Variants in LRRCC1 observed in about 807,000 individuals in gnomAD.
LRRCC1 encodes leucine rich repeat and coiled-coil centrosomal protein 1.
A neutral mutation model predicts 126.0 loss-of-function variants in LRRCC1; 115 were observed. The ratio of observed to expected loss-of-function variants is 0.91; its 90% CI spans 0.78 to 1.07. LRRCC1 has a LOEUF of 1.07. Among genes scored for constraint, LRRCC1 ranks in the 50% least tolerant of loss-of-function variants. The pLI is 0.00. For synonymous variants in LRRCC1, 400 were observed against 393.4 expected, an observed-to-expected ratio of 1.02 and a Z score of -0.20; for missense variants, 1,172 against 1,175.7, an observed-to-expected ratio of 1.00 and a Z score of 0.05.
intron 6 of LRRCC1, among the ~76,000 whole-genome samples, chr8:85,118,677 A>G (rs1045123407): frequency 6.6e-6 from 1 of 152,036 alleles, no homozygotes; most frequent in African/African-American, 2.4e-5. Flanking sequence ...TTTATCTTCT[A>G]TGAATGCCTG....
chr8:85,131,699 T>C (rs1810478564), intron 11 of LRRCC1, 61 bp from the exon 12 acceptor site: 1 of 1,319,614 alleles, frequency 7.6e-7, no homozygotes, highest in South Asian at 1.4e-5. Flanking sequence ...CGTAAAGACC[T>C]TTAAAATGTT....
At position 85,107,264 on chromosome 8, in the gene LRRCC1, C is replaced by A. The variant is rs368674344; in HGVS notation, c.-32C>A. 35 of 1,583,504 alleles carry A rather than the reference C, an allele frequency of 2.2e-5. No individual in the cohort carries two copies. The highest frequency in any genetic ancestry group is 2.5e-5 in the Non-Finnish European group (29 of 1,163,878). ...AGCTCACGGACCCCTCGCTGGGTGC[C>A]GGTTAAGACCCCGCTCCCCGTCGCC... On this transcript the variant is annotated 5_prime_UTR_variant, in exon 1 of 19. Coordinates refer to ENST00000360375, the MANE Select transcript of LRRCC1 (RefSeq NM_033402.5).
intron 7 of LRRCC1, among the ~76,000 whole-genome samples, chr8:85,123,983 A>G (rs1809767620): frequency 6.6e-6 from 1 of 152,158 alleles, no homozygotes; most frequent in Non-Finnish European, 1.5e-5. Flanking sequence ...ACAGTGGGAA[A>G]TAAGACTAGT....
intron 3 of LRRCC1, among the ~76,000 whole-genome samples, chr8:85,111,871 T>C (rs899386024): frequency 6.6e-5 from 10 of 151,366 alleles, no homozygotes; most frequent in Non-Finnish European, 1.2e-4. Flanking sequence ...GAAGGAGTTT[T>C]GTTTTTTTTT....
chr8:85,137,078 C>T (rs1447751285), intron 14 of LRRCC1, among the ~76,000 whole-genome samples: 1 of 152,232 alleles, frequency 6.6e-6, no homozygotes, highest in East Asian at 1.9e-4. Context: ...CTGCCCACCT[C>T]AGCTTCCTAA....
At chr8:85,135,701 T>C in intron 13 of LRRCC1, 88 bp from the exon 14 acceptor site, 1 of 879,254 alleles carries the variant, frequency 1.1e-6, no homozygotes, top group Non-Finnish European at 1.5e-6. Flanking sequence ...TTTGCTTAAA[T>C]AACATTTTTT....
rs745337092 is a variant in LRRCC1 at position 85,138,383 on chromosome 8, T to C, written c.2748T>C (p.His916=). The change falls in exon 17 of 19, where the codon CAT becomes CAC. Residue 916 remains histidine (H), a synonymous_variant. Transcript: ENST00000360375. ...KWHDKGELLC[H]LETQVKEVKE... is the part of the protein sequence containing the mutation. ...ATGATAAAGGAGAACTTCTATGTCA[T>C]CTTGAAACACAAGTAAAAGAAGTGA... 1 of 1,612,500 alleles carries C rather than the reference T, an allele frequency of 6.2e-7. No individual in the cohort carries two copies. The highest frequency in any genetic ancestry group is 1.7e-5 in the Admixed American group (1 of 59,850).
At position 85,129,969 on chromosome 8, in the gene LRRCC1, A is replaced by C; in HGVS notation, c.1677A>C (p.Glu559Asp). 3 of 1,601,348 alleles carry C rather than the reference A, an allele frequency of 1.9e-6. No individual in the cohort carries two copies. Among genetic ancestry groups the C allele is most frequent in the Non-Finnish European group, 2.6e-6 (3 of 1,175,538 alleles). Residue 559 changes from glutamate to aspartate, a missense_variant, in exon 11 of 19, where the codon GAA becomes GAC. Physicochemically the swap from Glu to Asp is conservative, Grantham distance 45 (BLOSUM62 2). Coordinates refer to ENST00000360375, the MANE Select transcript of LRRCC1 (RefSeq NM_033402.5). ...VELKASAADR[E>D]IYLLRTSLHR... ...TCAAAGCTTCAGCTGCCGATAGAGA[A>C]ATATACTTACTTAGAACTTCCCTTC...
At chr8:85,122,804 C>T (rs960147422) in intron 6 of LRRCC1, among the ~76,000 whole-genome samples, 7 of 152,140 alleles carry the variant, frequency 4.6e-5, no homozygotes, top group African/African-American at 1.7e-4. Flanking sequence ...GTGAATGTTT[C>T]GTTGTAGATA....
chr8:85,137,887 TGTCAATTAAGGGTTAGGA>T (rs1397182873), intron 15 of LRRCC1, 130 bp from the exon 16 acceptor site: 1 of 537,840 alleles, frequency 1.9e-6, no homozygotes, highest in African/African-American at 1.9e-5. Context: ...AAATACCCAA[TGTCAATTAAGGGTTAGGA>T]GTCACAAGAA....
chr8:85,120,129 GT>G (rs1172064731), intron 6 of LRRCC1, among the ~76,000 whole-genome samples: 4 of 150,782 alleles, frequency 2.7e-5, no homozygotes, highest in African/African-American at 7.3e-5. Flanking sequence ...AATTTATTGA[GT>G]TTTTTTTTAT....
chr8:85,145,483 C>CT lies in LRRCC1; in HGVS notation c.3074dup (p.Leu1025PhefsTer3). The CT allele has an allele frequency of 6.3e-7, 1 of 1,586,962 alleles. No individual in the cohort carries two copies. Among genetic ancestry groups the CT allele is most frequent in the Non-Finnish European group, 8.5e-7 (1 of 1,171,138 alleles). On this transcript the variant is annotated frameshift_variant, in exon 19 of 19. Coordinates refer to ENST00000360375, the MANE Select transcript of LRRCC1 (RefSeq NM_033402.5). LOFTEE classifies it high-confidence loss of function. ...GCAAAAATTAAGCAACTTGCTTTTG[C>CT]TTTAAATGAAATTCAGCAAGATATG...
At chr8:85,120,264 G>A (rs1054433057) in intron 6 of LRRCC1, among the ~76,000 whole-genome samples, 5 of 151,778 alleles carry the variant, frequency 3.3e-5, no homozygotes, top group Admixed American at 3.3e-4. Context: ...TCATTTTTTT[G>A]TGTCTGTTCT....
intron 3 of LRRCC1, among the ~76,000 whole-genome samples, chr8:85,111,402 C>T (rs904768096): frequency 3.3e-5 from 5 of 152,152 alleles, no homozygotes; most frequent in Non-Finnish European, 7.3e-5. Flanking sequence ...AACTGAGTTT[C>T]AACCCTGGCC....
intron 1 of LRRCC1, chr8:85,108,513 A>G (rs939565371): frequency 6.6e-6 from 1 of 152,196 alleles, no homozygotes; most frequent in East Asian, 1.9e-4. Context: ...TGCTTTTTCT[A>G]TCTCACATTA....
At position 85,134,942 on chromosome 8, in the gene LRRCC1, A is replaced by G; in HGVS notation, c.2064A>G (p.Leu688=). ...AQRKENESSS[L]IKDLTCMVKE... ...GAAAAGAAAATGAGTCTTCCTCTTT[A>G]ATTAAAGATCTGACCTGTATGGTAA... Residue 688 remains leucine, a synonymous_variant, in exon 13 of 19, where the codon TTA becomes TTG. Coordinates refer to ENST00000360375, the MANE Select transcript of LRRCC1 (RefSeq NM_033402.5). 1.3e-6 allele frequency: 2 copies of G among 1,596,884 alleles called. No homozygotes were observed. The highest frequency in any genetic ancestry group is 2.3e-5 in the South Asian group (2 of 86,604).
chr8:85,126,169 T>C (rs777645192), intron 8 of LRRCC1, among the ~76,000 whole-genome samples: 4 of 152,168 alleles, frequency 2.6e-5, no homozygotes, highest in Admixed American at 6.5e-5. Context: ...AGGAATCTTA[T>C]CTACTATGGC....
At chr8:85,138,900 G>C (rs1811058993) in intron 17 of LRRCC1, among the ~76,000 whole-genome samples, 1 of 151,994 alleles carries the variant, frequency 6.6e-6, no homozygotes, top group Admixed American at 6.5e-5. Flanking sequence ...GAAAAAATTA[G>C]CCAGGCGTGG....
chr8:85,137,582 C>A lies in LRRCC1; in HGVS notation c.2448C>A (p.Cys816Ter). 2.7e-6 allele frequency: 4 copies of A among 1,500,446 alleles called. No individual in the cohort carries two copies. The highest frequency in any genetic ancestry group is 3.5e-6 in the Non-Finnish European group (4 of 1,128,538). 92.9% of individuals were successfully genotyped at this position (1,500,446 alleles called of 1,614,324 possible). Reference sequence around the variant, plus strand: ...ATAGTGATGCATTAAGAATAAAGTGCAAAATCATAGACGACCAAACTGAAA... The same window carrying A: ...ATAGTGATGCATTAAGAATAAAGTGAAAAATCATAGACGACCAAACTGAAA... ...ESDSDALRIKCKIIDDQTETI... is the reference protein window; with the variant it reads ...ESDSDALRIK The change falls in exon 15 of 19, where the codon TGC (cysteine) becomes TGA (stop). Residue 816 changes from cysteine (C) to a stop codon, truncating the protein, a stop_gained. Transcript: ENST00000360375. LOFTEE classifies it high-confidence loss of function.
Sources: gnomAD v4.1 joint callset for allele counts (sites outside exome capture counted in the v4.1 genomes callset) on GRCh38, gnomAD v4.1.1 for gene constraint, MANE v1.5 for transcripts, NCBI Gene and HGNC (gene_info 2026-07-23, HGNC 2026-07-21) for gene names.